The following ARL6IP5 variants were observed in gnomAD, a reference collection of about 807,000 sequenced individuals.
ARL6IP5 encodes ARF like GTPase 6 interacting protein 5, also known as PRA1 family protein 3.
In ARL6IP5, 6 loss-of-function variants were observed where a neutral mutation model predicts 13.0. The observed-to-expected ratio is 0.46, with a 90% CI of 0.25 to 0.91. The LOEUF is 0.91. Among genes scored for constraint, ARL6IP5 ranks in the 40% least tolerant of loss-of-function variants. ARL6IP5 has a pLI of 0.17. For missense variants in ARL6IP5, 208 were observed against 248.8 expected (o/e 0.84, Z 1.10); for synonymous variants, 91 against 91.9 (o/e 0.99, Z 0.06).
At chr3:69,093,760 C>CAA (rs750066390) in intron 1 of ARL6IP5, among the ~76,000 whole-genome samples, 26 of 71,962 alleles carry the variant, frequency 3.6e-4, no homozygotes, top group African/African-American at 1.4e-3. Context: ...GATTCTGTCT[C>CAA]AAAAAAAAAA....
chr3:69,084,987 T>G lies in ARL6IP5; in HGVS notation c.-61T>G, dbSNP rs1362545625. The G allele has an allele frequency of 1.9e-6, 3 of 1,581,472 alleles. No individual in the cohort carries two copies. Among genetic ancestry groups the G allele is most frequent in the Non-Finnish European group, 2.6e-6 (3 of 1,164,384 alleles). ...TGTCAACTCTCCAACTCAGCTCAGCTGATCGGTTGCCGCCGCCGCCGCCGC... is the reference window on the plus strand; with the variant it reads ...TGTCAACTCTCCAACTCAGCTCAGCGGATCGGTTGCCGCCGCCGCCGCCGC... On this transcript the variant is annotated 5_prime_UTR_variant, in exon 1 of 3. Coordinates refer to ENST00000273258, the MANE Select transcript of ARL6IP5 (RefSeq NM_006407.4).
At chr3:69,089,957 G>A in intron 1 of ARL6IP5, 1 of 434,308 alleles carries the variant, frequency 2.3e-6, no homozygotes, top group Non-Finnish European at 4.6e-6. Context: ...AGTTACTCAA[G>A]ATGGTAAGGA....
At chr3:69,099,650 T>C (rs913623095) in intron 1 of ARL6IP5, among the ~76,000 whole-genome samples, 1 of 152,224 alleles carries the variant, frequency 6.6e-6, no homozygotes, top group South Asian at 2.1e-4. Context: ...GAGTTCTTCA[T>C]CTCTTCCATT....
intron 1 of ARL6IP5, among the ~76,000 whole-genome samples, chr3:69,093,913 C>G (rs1275262498): frequency 1.3e-5 from 2 of 152,228 alleles, no homozygotes; most frequent in Non-Finnish European, 2.9e-5. Flanking sequence ...ATGACCATGC[C>G]ATCATACTCC....
At chr3:69,104,253 C>T (rs2092315220) in intron 2 of ARL6IP5, among the ~76,000 whole-genome samples, 1 of 152,048 alleles carries the variant, frequency 6.6e-6, no homozygotes, top group Admixed American at 6.6e-5. Context: ...CAGCATTTTC[C>T]TTTAATGCAG....
chr3:69,085,094 C>T lies in ARL6IP5; in HGVS notation c.47C>T (p.Pro16Leu), dbSNP rs779589390. 2 of 1,614,208 alleles carry T rather than the reference C, an allele frequency of 1.2e-6. No homozygotes were observed. Among genetic ancestry groups the T allele is most frequent in the Middle Eastern group, 1.6e-4 (1 of 6,062 alleles). The change falls in exon 1 of 3, where the codon CCG becomes CTG. Residue 16 changes from proline (P) to leucine (L), a missense_variant. Coordinates refer to ENST00000273258, the MANE Select transcript of ARL6IP5 (RefSeq NM_006407.4). Reference protein sequence around the residue: ...APLRAWDDFFPGSDRFARPDF... With the variant: ...APLRAWDDFFLGSDRFARPDF... ...CTCCGCGCCTGGGACGATTTCTTCCCGGGTTCCGATCGCTTTGCCCGGCCG... is the reference window on the plus strand; with the variant it reads ...CTCCGCGCCTGGGACGATTTCTTCCTGGGTTCCGATCGCTTTGCCCGGCCG...
chr3:69,102,332 G>A (rs1400199938), intron 2 of ARL6IP5: 3 of 449,998 alleles, frequency 6.7e-6, no homozygotes, highest in African/African-American at 5.9e-5. Flanking sequence ...GTTGAGATGG[G>A]GTCTACTCTG....
rs2092243110 is a variant in ARL6IP5 at position 69,085,051 on chromosome 3, G to A, written c.4G>A (p.Asp2Asn). Residue 2 changes from aspartate to asparagine, a missense_variant, in exon 1 of 3, where the codon GAC becomes AAC. By Grantham distance (23) the Asp-to-Asn change is conservative (BLOSUM62 1). Coordinates refer to ENST00000273258, the MANE Select transcript of ARL6IP5 (RefSeq NM_006407.4). ...CGAAGAACGCAAAGCTGAGAACATGGACGTTAATATCGCCCCACTCCGCGC... is the reference window on the plus strand; with the variant it reads ...CGAAGAACGCAAAGCTGAGAACATGAACGTTAATATCGCCCCACTCCGCGC... M[D>N]VNIAPLRAWD... The A allele has an allele frequency of 1.2e-6, 2 of 1,613,416 alleles. No homozygotes were observed. The highest frequency in any genetic ancestry group is 1.7e-6 in the Non-Finnish European group (2 of 1,179,754).
In ARL6IP5 at chr3:69,104,780, T is replaced by C; in HGVS notation, c.*144T>C. On this transcript the variant is annotated 3_prime_UTR_variant, in exon 3 of 3. Coordinates refer to ENST00000273258, the MANE Select transcript of ARL6IP5 (RefSeq NM_006407.4). ...GGCAGCATGCATGTATAGGCCGAAC[T>C]ATTATCAGCTCTGATGTTTCAGAGA... 6 of 895,214 alleles carry C rather than the reference T, an allele frequency of 6.7e-6. No homozygotes were observed. The highest frequency in any genetic ancestry group is 2.1e-5 in the Admixed American group (1 of 47,838). 55.5% of individuals were successfully genotyped at this position (895,214 alleles called of 1,614,324 possible). A position where few individuals can be genotyped will look rare whatever the true frequency, so the allele number is the denominator to read the frequency against.
chr3:69,100,271 T>C (rs1476037966), intron 1 of ARL6IP5, among the ~76,000 whole-genome samples: 1 of 152,220 alleles, frequency 6.6e-6, no homozygotes, highest in Non-Finnish European at 1.5e-5. Flanking sequence ...TCAATAGTAG[T>C]GTAATTGCTA....
chr3:69,105,033 ATG>A lies in ARL6IP5; in HGVS notation c.*398_*399del. 1.6e-6 allele frequency: 1 copy of A among 617,308 alleles called. No individual in the cohort carries two copies. Among genetic ancestry groups the A allele is most frequent in the Non-Finnish European group, 2.9e-6 (1 of 349,636 alleles). 38.2% of individuals were successfully genotyped at this position (617,308 alleles called of 1,614,324 possible). On this transcript the variant is annotated 3_prime_UTR_variant, in exon 3 of 3. Transcript: ENST00000273258. ...GTAAATGAAAAGGCTGTTAAAGTAG[ATG>A]ACATCATGTGTTAGCCTGTTCCTAA...
At chr3:69,085,608 C>T (rs1420679990) in intron 1 of ARL6IP5, among the ~76,000 whole-genome samples, 2 of 152,168 alleles carry the variant, frequency 1.3e-5, no homozygotes, top group East Asian at 3.9e-4. Flanking sequence ...GTGGTGTAAC[C>T]CTACCCTGGA....
At chr3:69,104,307 C>A (rs569729552) in intron 2 of ARL6IP5, among the ~76,000 whole-genome samples, 157 bp from the exon 3 acceptor site, 1 of 152,058 alleles carries the variant, frequency 6.6e-6, no homozygotes, top group East Asian at 1.9e-4. Flanking sequence ...TACATAAAGT[C>A]CAAGGAGCCA....
chr3:69,099,136 G>A (rs1329650122), intron 1 of ARL6IP5, among the ~76,000 whole-genome samples: 1 of 81,340 alleles, frequency 1.2e-5, no homozygotes, highest in African/African-American at 6.9e-5. Context: ...GGGCGGGGGG[G>A]GTGGGGGGTG....
intron 1 of ARL6IP5, 97 bp from the exon 2 acceptor site, chr3:69,101,742 T>G (rs1164017720): frequency 1.1e-5 from 11 of 974,432 alleles, no homozygotes; most frequent in Non-Finnish European, 1.7e-5. Context: ...ATTAAAGTAT[T>G]AGTAAGTTCT....
intron 1 of ARL6IP5, among the ~76,000 whole-genome samples, chr3:69,097,451 A>T (rs2092290799): frequency 6.6e-6 from 1 of 151,578 alleles, no homozygotes; most frequent in African/African-American, 2.4e-5. Flanking sequence ...TGCTGGGATT[A>T]CAGACATGAG....
intron 1 of ARL6IP5, among the ~76,000 whole-genome samples, chr3:69,089,145 T>C (rs2092257121): frequency 6.6e-6 from 1 of 152,204 alleles, no homozygotes; most frequent in Non-Finnish European, 1.5e-5. Context: ...GGCACTGGAT[T>C]GGTCTGGCTC....
At position 69,085,065 on chromosome 3, in the gene ARL6IP5, C is replaced by A. The variant is rs1443583773; in HGVS notation, c.18C>A (p.Ala6=). The change falls in exon 1 of 3, where the codon GCC becomes GCA. Residue 6 remains alanine (A), a synonymous_variant. Coordinates refer to ENST00000273258, the MANE Select transcript of ARL6IP5 (RefSeq NM_006407.4). ...CTGAGAACATGGACGTTAATATCGCCCCACTCCGCGCCTGGGACGATTTCT... is the reference window on the plus strand; with the variant it reads ...CTGAGAACATGGACGTTAATATCGCACCACTCCGCGCCTGGGACGATTTCT... MDVNI[A]PLRAWDDFFP... The A allele has an allele frequency of 2.5e-6, 4 of 1,613,972 alleles. No homozygotes were observed. The highest frequency in any genetic ancestry group is 3.4e-6 in the Non-Finnish European group (4 of 1,179,916).
At chr3:69,091,613 G>A (rs568066821) in intron 1 of ARL6IP5, among the ~76,000 whole-genome samples, 1 of 146,100 alleles carries the variant, frequency 6.8e-6, no homozygotes, top group South Asian at 2.2e-4. Context: ...TACTATTTAT[G>A]TAACTTTGTT....
Sources: allele counts gnomAD v4.1 joint callset (sites outside exome capture counted in the v4.1 genomes callset), GRCh38; gene constraint gnomAD v4.1.1; transcripts MANE v1.5; gene names NCBI Gene and HGNC (gene_info 2026-07-23, HGNC 2026-07-21).